The following MSRA variants were observed in gnomAD, a reference collection of about 807,000 sequenced individuals.
The protein encoded by MSRA is methionine sulfoxide reductase A.
Under a neutral mutation model 31.3 loss-of-function variants are expected in MSRA, and 54 were observed. The observed-to-expected ratio is 1.73, with a 90% CI of 1.39 to 2.17. The LOEUF is 2.17. Among genes scored for constraint, MSRA ranks in the 30% most tolerant of loss-of-function variants. The pLI is 0.00. For missense variants in MSRA, 507 were observed against 300.9 expected (o/e 1.69, Z -5.07); for synonymous variants, 169 against 116.5 (o/e 1.45, Z -2.90).
In MSRA at chr8:10,068,850, C is replaced by A. The variant is rs1797592829; in HGVS notation, c.142+14192C>A. On this transcript the variant is annotated intron_variant, in intron 1 of 5. Transcript: ENST00000317173. ...GATTTTGATTGCAATGATAGGGTTG[C>A]ACTGAATCTCCAGATCAAGTTGGGA... Among the ~76,000 whole-genome samples the A allele has an allele frequency of 2.6e-5, 4 of 152,276 alleles. No homozygotes were observed. In the South Asian group the frequency reaches 8.3e-4, roughly 32 times the overall value.
At chr8:10,340,433 C>T (rs868555777) in intron 5 of MSRA, among the ~76,000 whole-genome samples, 1 of 152,202 alleles carries the variant, frequency 6.6e-6, no homozygotes, top group African/African-American at 2.4e-5. Flanking sequence ...AGTGCAGTGG[C>T]GTGATCTTGG....
At chr8:10,297,259 A>T (rs954095397) in intron 3 of MSRA, among the ~76,000 whole-genome samples, 1 of 152,090 alleles carries the variant, frequency 6.6e-6, no homozygotes, top group African/African-American at 2.4e-5. Context: ...CCATTTGTTC[A>T]TCTTCCTCTG....
At chr8:10,378,942 A>C (rs897189575) in intron 5 of MSRA, among the ~76,000 whole-genome samples, 1 of 152,168 alleles carries the variant, frequency 6.6e-6, no homozygotes, top group African/African-American at 2.4e-5. Flanking sequence ...CCACAGCCCT[A>C]CTGCCCCATC....
At chr8:10,085,483 C>T (rs1246377669) in intron 1 of MSRA, among the ~76,000 whole-genome samples, 3 of 152,152 alleles carry the variant, frequency 2.0e-5, no homozygotes, top group African/African-American at 2.4e-5. Context: ...AGAAGATGAG[C>T]GGAACCTCTT....
chr8:10,308,806 C>G (rs1801279611), intron 4 of MSRA, among the ~76,000 whole-genome samples: 1 of 152,224 alleles, frequency 6.6e-6, no homozygotes, highest in Admixed American at 6.5e-5. Flanking sequence ...TGGTCTGCCA[C>G]CAACATCAGG....
intron 3 of MSRA, among the ~76,000 whole-genome samples, chr8:10,250,149 T>C (rs1171170314): frequency 4.6e-5 from 7 of 152,212 alleles, no homozygotes; most frequent in Non-Finnish European, 7.3e-5. Flanking sequence ...ACAGTTGTTA[T>C]GCAAACCAAC....
At chr8:10,188,263 G>C (rs1414074622) in intron 1 of MSRA, among the ~76,000 whole-genome samples, 3 of 152,050 alleles carry the variant, frequency 2.0e-5, no homozygotes, top group Non-Finnish European at 4.4e-5. Context: ...CACTTTTTTT[G>C]GTGTAAGTTC....
chr8:10,232,316 G>C (rs1811561821), intron 2 of MSRA, among the ~76,000 whole-genome samples: 1 of 148,758 alleles, frequency 6.7e-6, no homozygotes, highest in Non-Finnish European at 1.5e-5. Flanking sequence ...GTTGTTGGAG[G>C]GTTTGTTATT....
At chr8:10,073,357 T>C (rs1797836500) in intron 1 of MSRA, among the ~76,000 whole-genome samples, 1 of 152,190 alleles carries the variant, frequency 6.6e-6, no homozygotes, top group African/African-American at 2.4e-5. Flanking sequence ...TTAAATAAAG[T>C]TTTATTGGAA....
chr8:10,208,613 C>G (rs575323043), intron 2 of MSRA, among the ~76,000 whole-genome samples: 3 of 152,034 alleles, frequency 2.0e-5, no homozygotes, highest in Non-Finnish European at 4.4e-5. Context: ...GGGCCCATCT[C>G]CCACCTCCCC....
chr8:10,133,074 AG>A (rs1802015837), intron 1 of MSRA, among the ~76,000 whole-genome samples: 1 of 152,210 alleles, frequency 6.6e-6, no homozygotes, highest in Non-Finnish European at 1.5e-5. Context: ...CTCTTAGGGA[AG>A]GGAGTCCGCA....
intron 1 of MSRA, among the ~76,000 whole-genome samples, chr8:10,109,007 T>A (rs952728046): frequency 6.6e-6 from 1 of 152,234 alleles, no homozygotes; most frequent in African/African-American, 2.4e-5. Context: ...GCAGGTGTAC[T>A]GAACAGATGG....
At chr8:10,329,541 A>G (rs1232039927) in intron 5 of MSRA, among the ~76,000 whole-genome samples, 1 of 152,226 alleles carries the variant, frequency 6.6e-6, no homozygotes, top group Non-Finnish European at 1.5e-5. Flanking sequence ...CATCTGTGAA[A>G]TCTGTGCCAT....
intron 4 of MSRA, among the ~76,000 whole-genome samples, chr8:10,304,697 G>GACCGA (rs754452816): frequency 2.6e-5 from 4 of 152,176 alleles, no homozygotes; most frequent in Non-Finnish European, 4.4e-5. Flanking sequence ...CTCTACTTGA[G>GACCGA]GTCACATGGC....
At chr8:10,183,790 G>GTGA (rs1329665064) in intron 1 of MSRA, among the ~76,000 whole-genome samples, 2 of 150,792 alleles carry the variant, frequency 1.3e-5, no homozygotes, top group Non-Finnish European at 3.0e-5. Flanking sequence ...GGTGGTGGTG[G>GTGA]TGGTGGTGGT....
At chr8:10,295,307 G>T (rs1452032704) in intron 3 of MSRA, among the ~76,000 whole-genome samples, 1 of 152,048 alleles carries the variant, frequency 6.6e-6, no homozygotes, top group Non-Finnish European at 1.5e-5. Flanking sequence ...ACCTGCTGGG[G>T]GACCGTCGCA....
chr8:10,241,917 G>C (rs1209033505), intron 2 of MSRA, among the ~76,000 whole-genome samples: 1 of 152,186 alleles, frequency 6.6e-6, no homozygotes, highest in East Asian at 1.9e-4. Flanking sequence ...AGGTCAAGTA[G>C]ACTGTGATCT....
At chr8:10,279,076 TC>T (rs1159345751) in intron 3 of MSRA, among the ~76,000 whole-genome samples, 1 of 152,222 alleles carries the variant, frequency 6.6e-6, no homozygotes, top group Non-Finnish European at 1.5e-5. Flanking sequence ...GCAGTTGTTT[TC>T]TTGTTGTTTC....
At chr8:10,303,761 G>C (rs534466118) in intron 4 of MSRA, among the ~76,000 whole-genome samples, 1 of 152,160 alleles carries the variant, frequency 6.6e-6, no homozygotes, top group Non-Finnish European at 1.5e-5. Context: ...AGGGTAGGGC[G>C]AGAGATCCTC....
Sources: gnomAD v4.1 joint callset for allele counts (sites outside exome capture counted in the v4.1 genomes callset) on GRCh38, gnomAD v4.1.1 for gene constraint, MANE v1.5 for transcripts, NCBI Gene and HGNC (gene_info 2026-07-23, HGNC 2026-07-21) for gene names.